The following RPS3 variants were observed in gnomAD, a reference collection of about 807,000 sequenced individuals.
RPS3 encodes the protein ribosomal protein S3.
RPS3 carries 2 observed loss-of-function variants against 25.8 expected under a neutral mutation model. The ratio of observed to expected loss-of-function variants is 0.08; its 90% CI spans 0.03 to 0.24. The LOEUF is 0.24. Among genes scored for constraint, RPS3 ranks in the 10% least tolerant of loss-of-function variants. The probability of loss-of-function intolerance (pLI) is 1.00; values close to 1 mark genes in which losing one functional copy is unlikely to be tolerated. For missense variants in RPS3, 107 were observed against 307.1 expected (o/e 0.35, Z 4.87); for synonymous variants, 114 against 114.2 (o/e 1.00, Z 0.01).
chr11:75,417,546 G>A (rs1045495564), intron 6 of RPS3, among the ~76,000 whole-genome samples: 2 of 152,224 alleles, frequency 1.3e-5, no homozygotes, highest in African/African-American at 4.8e-5. Context: ...ACAGTGAGCC[G>A]AGATCGCGCC....
chr11:75,402,125 C>T (rs543322681), intron 3 of RPS3: 173 of 599,016 alleles, frequency 2.9e-4, no homozygotes, highest in Non-Finnish European at 4.0e-4. Flanking sequence ...CCGTAGGCTA[C>T]GTTGGAAGAA....
downstream of RPS3, among the ~76,000 whole-genome samples, chr11:75,407,548 T>G (rs1452255467): frequency 6.6e-6 from 1 of 152,164 alleles, no homozygotes; most frequent in Non-Finnish European, 1.5e-5. Flanking sequence ...CTCTGCTCAC[T>G]GCAAGCCCCG....
rs368050267 is a variant in RPS3, at chr11:75,404,023, C to T, written c.354C>T (p.Ala118=). 4.3e-6 allele frequency: 7 copies of T among 1,611,980 alleles called. No individual in the cohort carries two copies. The highest frequency in any genetic ancestry group is 1.3e-5 in the African/African-American group (1 of 74,828). ...KLLGGLAVRR[A]CYGVLRFIME... ...GCTCTCTTCTGTTCTTTTAAAGGGC[C>T]TGCTATGGTGTGCTGCGGTTCATCA... is the stretch of plus-strand genomic sequence containing the variant. Residue 118 remains alanine (A), a synonymous_variant, in exon 5 of 7, where the codon GCC becomes GCT. Transcript: ENST00000531188. This position sits in a 1 kb window ranked among gnomAD's most constrained non-coding sequence, Gnocchi z 4.6.
chr11:75,399,817 C>T, intron 1 of RPS3: 1 of 555,916 alleles, frequency 1.8e-6, no homozygotes. Flanking sequence ...CCTTCTGTCC[C>T]GGAGAAGGCG....
chr11:75,404,299 A>G lies in RPS3; in HGVS notation c.538+92A>G. 1 of 1,174,814 alleles carries G rather than the reference A, an allele frequency of 8.5e-7. No individual in the cohort carries two copies. The highest frequency in any genetic ancestry group is 1.3e-6 in the Non-Finnish European group (1 of 799,010). The allele number at this position is 1,174,814 out of a possible 1,614,324, so 72.8% of individuals were successfully genotyped here. ...AGTATTTGGGGGAGTTTATCATGGA[A>G]GTAGCTGGGCATGTTCATATTCCTT... On this transcript the variant is annotated intron_variant, in intron 5 of 6. Coordinates refer to ENST00000531188, the MANE Select transcript of RPS3 (RefSeq NM_001005.5). This position sits in a 1 kb window ranked among gnomAD's most constrained non-coding sequence, Gnocchi z 4.6.
chr11:75,404,954 A>T lies in RPS3; in HGVS notation c.*3+86A>T. 1 of 897,822 alleles carries T rather than the reference A, an allele frequency of 1.1e-6. No individual in the cohort carries two copies. The highest frequency in any genetic ancestry group is 2.2e-5 in the South Asian group (1 of 45,704). The allele number at this position is 897,822 out of a possible 1,614,324, so 55.6% of individuals were successfully genotyped here. ...TAATACTTGTATCCCACATTCTGGT[A>T]AGCGTTTGGTGAATAAAAATTTCAT... On this transcript the variant is annotated intron_variant, in intron 6 of 6. Transcript: ENST00000531188. The surrounding 1 kb of genome is among the most constrained non-coding windows in gnomAD (Gnocchi z 4.6).
intron 6 of RPS3, among the ~76,000 whole-genome samples, chr11:75,420,918 ACAGT>A (rs1472697439): frequency 6.6e-6 from 1 of 152,128 alleles, no homozygotes; most frequent in Non-Finnish European, 1.5e-5. Flanking sequence ...GGAGGCACGA[ACAGT>A]CAGCATGGGG....
Position 75,404,232 on chromosome 11 carries a change from A to G in RPS3, c.538+25A>G, listed in dbSNP as rs1307208798. 1.9e-6 allele frequency: 3 copies of G among 1,603,112 alleles called. No individual in the cohort carries two copies. In the Admixed American group the frequency reaches 5.1e-5, roughly 27 times the overall value. ...GGTGAGCAGCTGAGAGTGCTTGGCA[A>G]AGGGCATTTGTGGACAGATTTGGTT... On this transcript the variant is annotated intron_variant, in intron 5 of 6. Coordinates refer to ENST00000531188, the MANE Select transcript of RPS3 (RefSeq NM_001005.5). The surrounding 1 kb of genome is among the most constrained non-coding windows in gnomAD (Gnocchi z 4.6).
intron 1 of RPS3, chr11:75,400,282 A>G (rs769277431): frequency 2.6e-5 from 12 of 455,522 alleles, no homozygotes; most frequent in Non-Finnish European, 4.8e-5. Context: ...TGTTAAGTCT[A>G]CTATCTATTC....
chr11:75,401,496 AAAAG>A (rs1169765596), intron 2 of RPS3, 140 bp from the exon 3 acceptor site: 1 of 631,360 alleles, frequency 1.6e-6, no homozygotes, highest in East Asian at 2.8e-5. Context: ...TCTCAAAAAA[AAAAG>A]CTGCGTTTTA....
chr11:75,419,454 C>T (rs1328778390), intron 6 of RPS3, among the ~76,000 whole-genome samples: 8 of 151,014 alleles, frequency 5.3e-5, no homozygotes, highest in South Asian at 2.1e-4. Flanking sequence ...CGAGGGAGGC[C>T]GAGGCAGAAG....
chr11:75,406,244 C>G lies in RPS3; in HGVS notation c.*634C>G, dbSNP rs1178681653. 1 of 152,198 alleles carries G rather than the reference C, an allele frequency of 6.6e-6. No individual in the cohort carries two copies. The highest frequency in any genetic ancestry group is 1.5e-5 in the Non-Finnish European group (1 of 68,036). The allele number at this position is 152,198 out of a possible 1,614,324, so 9.4% of individuals were successfully genotyped here. On this transcript the variant is annotated 3_prime_UTR_variant, in exon 7 of 7. Coordinates refer to ENST00000531188, the MANE Select transcript of RPS3 (RefSeq NM_001005.5). ...GAACTGTGAAGAACATTTAAATTGT[C>G]TCTGATTTTATCTATCAATGTTTTG...
In RPS3 at chr11:75,400,721, G is replaced by T. The variant is rs1282731545; in HGVS notation, c.58G>T (p.Glu20Ter). 1 of 1,613,086 alleles carries T rather than the reference G, an allele frequency of 6.2e-7. No individual in the cohort carries two copies. The highest frequency in any genetic ancestry group is 8.5e-7 in the Non-Finnish European group (1 of 1,179,606). Residue 20 changes from glutamate to a stop codon, truncating the protein, a stop_gained, in exon 2 of 7, where the codon GAA becomes TAA. Coordinates refer to ENST00000531188, the MANE Select transcript of RPS3 (RefSeq NM_001005.5). LOFTEE classifies it high-confidence loss of function. The part of the protein sequence containing the change: ...KFVADGIFKA[E>*]LNEFLTRELA... ...TGTCGCTGATGGCATCTTCAAAGCT[G>T]AACTGAATGAGTTTCTTACTCGGGA...
At chr11:75,416,877 T>A (rs1240402748) in intron 6 of RPS3, among the ~76,000 whole-genome samples, 1 of 152,242 alleles carries the variant, frequency 6.6e-6, no homozygotes, top group Non-Finnish European at 1.5e-5. Flanking sequence ...CCTCAGAGAT[T>A]GTTTTTCTTA....
chr11:75,414,412 C>T (rs1948380591), intron 6 of RPS3, among the ~76,000 whole-genome samples: 1 of 152,164 alleles, frequency 6.6e-6, no homozygotes, highest in South Asian at 2.1e-4. Flanking sequence ...GAGATTGAGA[C>T]CTTCCTGGCT....
At chr11:75,422,069 G>C (rs1009207692) in exon 7 of RPS3, 6 of 152,754 alleles carry the variant, frequency 3.9e-5, no homozygotes, top group African/African-American at 1.4e-4. Flanking sequence ...TGGGGCCTTT[G>C]GGAAGGCATT....
At chr11:75,407,531 G>T (rs940692736), downstream of RPS3, among the ~76,000 whole-genome samples, 2 of 152,130 alleles carry the variant, frequency 1.3e-5, no homozygotes, top group Non-Finnish European at 2.9e-5. Context: ...GAGTGCAGTG[G>T]CGCGATCTCT....
chr11:75,414,900 C>T (rs1948384197), intron 6 of RPS3, among the ~76,000 whole-genome samples: 1 of 152,170 alleles, frequency 6.6e-6, no homozygotes, highest in Admixed American at 6.5e-5. Flanking sequence ...GGGGGATCCA[C>T]TCCCAGACAG....
chr11:75,403,046 T>G (rs1171214219), intron 4 of RPS3: 1 of 152,234 alleles, frequency 6.6e-6, no homozygotes, highest in Non-Finnish European at 1.5e-5. Flanking sequence ...GGAAGTTCTT[T>G]GTGCAGTTTG....
Sources: allele counts gnomAD v4.1 joint callset (sites outside exome capture counted in the v4.1 genomes callset), GRCh38; gene constraint gnomAD v4.1.1; non-coding constraint Gnocchi (gnomAD v3.1); transcripts MANE v1.5; gene names NCBI Gene and HGNC (gene_info 2026-07-23, HGNC 2026-07-21).